The following KCNN2 variants were observed in gnomAD, a reference collection of about 807,000 sequenced individuals.
The protein encoded by KCNN2 is potassium calcium-activated channel subfamily N member 2.
KCNN2 carries 24 observed loss-of-function variants against 55.5 expected under a neutral mutation model. That is an observed-to-expected ratio of 0.43 (90% CI 0.31 to 0.61). KCNN2 has a LOEUF of 0.61. KCNN2 is among the 20% of genes least tolerant of loss of function. The pLI is 0.08. For synonymous variants in KCNN2, 431 were observed against 336.1 expected (o/e 1.28, Z -3.09); for missense variants, 754 against 853.6 (o/e 0.88, Z 1.45).
chr5:114,368,830 T>A (rs1757681087), intron 2 of KCNN2, among the ~76,000 whole-genome samples: 1 of 150,634 alleles, frequency 6.6e-6, no homozygotes, highest in South Asian at 2.1e-4. Flanking sequence ...CTGTATTATA[T>A]CTTGGAGGTT....
At chr5:114,493,024 C>T (rs1035498252) in intron 6 of KCNN2, among the ~76,000 whole-genome samples, 6 of 152,086 alleles carry the variant, frequency 3.9e-5, no homozygotes, top group African/African-American at 1.2e-4. Flanking sequence ...CTCATTGCTC[C>T]AACATCAATG....
At chr5:114,296,661 G>A (rs1756018019) in intron 2 of KCNN2, among the ~76,000 whole-genome samples, 1 of 152,184 alleles carries the variant, frequency 6.6e-6, no homozygotes, top group Admixed American at 6.5e-5. Context: ...CAGGAGCATG[G>A]TGCAGAATGG....
intron 1 of KCNN2, among the ~76,000 whole-genome samples, chr5:114,160,032 T>A (rs1158563456): frequency 2.6e-5 from 4 of 152,212 alleles, no homozygotes; most frequent in African/African-American, 7.2e-5. Flanking sequence ...TAGTTATTTC[T>A]TGCCTTCTGC....
chr5:114,468,191 CTTAT>C (rs1761545281), intron 4 of KCNN2, among the ~76,000 whole-genome samples: 1 of 151,822 alleles, frequency 6.6e-6, no homozygotes, highest in South Asian at 2.1e-4. Flanking sequence ...TTCCTTGAAA[CTTAT>C]TTATTTTCAT....
intron 3 of KCNN2, among the ~76,000 whole-genome samples, chr5:114,450,006 CCCT>C (rs1760602500): frequency 6.6e-6 from 1 of 152,116 alleles, no homozygotes; most frequent in African/African-American, 2.4e-5. Flanking sequence ...CACCTCACAG[CCCT>C]CCTCTAGCAC....
chr5:114,079,531 C>G (rs1348700305), intron 1 of KCNN2, among the ~76,000 whole-genome samples: 1 of 152,146 alleles, frequency 6.6e-6, no homozygotes, highest in Non-Finnish European at 1.5e-5. Flanking sequence ...GCTGTCTATT[C>G]ACTCTCTAAG....
intron 2 of KCNN2, among the ~76,000 whole-genome samples, chr5:114,265,467 T>C (rs897930320): frequency 6.6e-6 from 1 of 152,034 alleles, no homozygotes; most frequent in South Asian, 2.1e-4. Context: ...AAACTGATAG[T>C]GTAAGTTCCT....
intron 1 of KCNN2, among the ~76,000 whole-genome samples, chr5:114,074,895 A>C (rs1450295883): frequency 6.6e-6 from 1 of 152,226 alleles, no homozygotes; most frequent in Non-Finnish European, 1.5e-5. Flanking sequence ...AAAGTGCACA[A>C]TTCACTTTAG....
At chr5:114,120,211 G>C (rs1055574560) in intron 1 of KCNN2, among the ~76,000 whole-genome samples, 2 of 152,020 alleles carry the variant, frequency 1.3e-5, no homozygotes, top group African/African-American at 2.4e-5. Context: ...TGTGCTTCAG[G>C]CTTCAATATG....
intron 1 of KCNN2, among the ~76,000 whole-genome samples, chr5:114,160,628 TG>T (rs1752752823): frequency 6.6e-6 from 1 of 152,126 alleles, no homozygotes; most frequent in Admixed American, 6.5e-5. Context: ...ATTATTATTG[TG>T]TGGGAGTCTA....
chr5:114,106,411 T>C (rs1431314269), intron 1 of KCNN2, among the ~76,000 whole-genome samples: 1 of 151,916 alleles, frequency 6.6e-6, no homozygotes, highest in Non-Finnish European at 1.5e-5. Flanking sequence ...ACAGATCTAG[T>C]ATATATTGCG....
chr5:114,352,384 T>G (rs1310959283), intron 2 of KCNN2, among the ~76,000 whole-genome samples: 1 of 151,738 alleles, frequency 6.6e-6, no homozygotes, highest in Non-Finnish European at 1.5e-5. Flanking sequence ...AACTAATTTT[T>G]ATTTTCAATG....
chr5:114,369,212 T>C (rs1479058851), intron 2 of KCNN2, among the ~76,000 whole-genome samples: 2 of 152,204 alleles, frequency 1.3e-5, no homozygotes, highest in African/African-American at 2.4e-5. Context: ...TAAAAATATT[T>C]ATTAAAGAAA....
chr5:114,225,207 A>G (rs192343611), intron 2 of KCNN2, among the ~76,000 whole-genome samples: 241 of 152,314 alleles, frequency 1.6e-3, no homozygotes, highest in African/African-American at 5.5e-3. Flanking sequence ...TGGTGGTAGA[A>G]ATTTAAAGAT....
At chr5:114,421,724 C>G (rs1759476873) in intron 3 of KCNN2, among the ~76,000 whole-genome samples, 1 of 151,758 alleles carries the variant, frequency 6.6e-6, no homozygotes, top group Non-Finnish European at 1.5e-5. Flanking sequence ...ATTCTGTTGC[C>G]TCAGCCTCCT....
intron 3 of KCNN2, among the ~76,000 whole-genome samples, chr5:114,451,622 G>C (rs1177122752): frequency 6.6e-6 from 1 of 152,092 alleles, no homozygotes; most frequent in Non-Finnish European, 1.5e-5. Flanking sequence ...CAAGGCTGGA[G>C]GCGGTGGCTC....
At chr5:114,244,220 C>G (rs750242064) in intron 2 of KCNN2, among the ~76,000 whole-genome samples, 1 of 152,038 alleles carries the variant, frequency 6.6e-6, no homozygotes, top group East Asian at 1.9e-4. Flanking sequence ...ATGTGGCTTT[C>G]CTGTTGGAGC....
rs370810059 is a variant in KCNN2, at chr5:114,432,311, C to T, written c.1637+27455C>T. ...TCTCCTTGGAAGATTGACCTTTTAA[C>T]ATTATGTAATGCCCCTCTTTATCTC... On this transcript the variant is annotated intron_variant, in intron 3 of 7. Transcript: ENST00000673685. 6.8e-4 allele frequency among the ~76,000 whole-genome samples: 104 copies of T among 152,348 alleles called. 3 individuals are homozygous for T. Among genetic ancestry groups the T allele is most frequent in the African/African-American group, 2.4e-3 (98 of 41,582 alleles).
chr5:114,072,370 A>C (rs1218615201), intron 1 of KCNN2, among the ~76,000 whole-genome samples: 2 of 152,094 alleles, frequency 1.3e-5, no homozygotes, highest in Non-Finnish European at 2.9e-5. Flanking sequence ...TTGATGATGA[A>C]GTGCAAAGAC....
Sources: gnomAD v4.1 joint callset for allele counts (sites outside exome capture counted in the v4.1 genomes callset) on GRCh38, gnomAD v4.1.1 for gene constraint, MANE v1.5 for transcripts, NCBI Gene and HGNC (gene_info 2026-07-23, HGNC 2026-07-21) for gene names.